Variants in SPOPL observed in about 807,000 individuals in gnomAD.
SPOPL encodes the protein speckle type BTB/POZ protein like.
A neutral mutation model predicts 53.8 loss-of-function variants in SPOPL; 23 were observed. That is an observed-to-expected ratio of 0.43 (90% confidence interval 0.31 to 0.61). SPOPL has a LOEUF of 0.61. SPOPL is among the 20% of genes least tolerant of loss of function. SPOPL has a pLI of 0.12. For synonymous variants in SPOPL, 164 were observed against 149.7 expected, an observed-to-expected ratio of 1.10 and a Z score of -0.70; for missense variants, 442 against 466.9, an observed-to-expected ratio of 0.95 and a Z score of 0.49.
chr2:138,547,909 C>A (rs905970117), intron 1 of SPOPL, among the ~76,000 whole-genome samples: 43 of 151,880 alleles, frequency 2.8e-4, no homozygotes, highest in African/African-American at 9.9e-4. Context: ...AACACTTTTC[C>A]CTGTCATTAA....
chr2:138,519,956 A>G (rs1684521435), intron 1 of SPOPL, among the ~76,000 whole-genome samples: 1 of 152,112 alleles, frequency 6.6e-6, no homozygotes, highest in African/African-American at 2.4e-5. Context: ...TACCCAGGAA[A>G]ATGGTATAGG....
chr2:138,534,412 T>G (rs571105261), intron 1 of SPOPL, among the ~76,000 whole-genome samples: 1 of 152,316 alleles, frequency 6.6e-6, no homozygotes, highest in Admixed American at 6.5e-5. Context: ...AGGATATGTG[T>G]ATATCAAATG....
chr2:138,529,464 T>A lies in SPOPL; in HGVS notation c.-60-20693T>A, dbSNP rs547284846. Among the ~76,000 whole-genome samples the A allele has an allele frequency of 5.9e-5, 9 of 151,454 alleles. No individual in the cohort carries two copies. In the South Asian group the frequency reaches 1.9e-3, roughly 32 times the overall value. On this transcript the variant is annotated intron_variant, in intron 1 of 10. Coordinates refer to ENST00000280098, the MANE Select transcript of SPOPL (RefSeq NM_001001664.3). ...GTTACCTTGGTCATAAATGAACTGT[T>A]TGTGTAGGTATGTGTGTGTGTGTAT...
At position 138,506,232 on chromosome 2, in the gene SPOPL, C is replaced by G. The variant is rs545533829; in HGVS notation, c.-61+4113C>G. Among the ~76,000 whole-genome samples the G allele has an allele frequency of 3.7e-4, 56 of 152,248 alleles. 1 individual carries two copies. The South Asian group carries it at 0.012, about 32-fold the overall frequency. ...CTCAAACTTGTCTGTGTTGAAGGAC[C>G]AATTTTGTTTTAATTTTCTATTCAT... is the stretch of plus-strand genomic sequence containing the variant. On this transcript the variant is annotated intron_variant, in intron 1 of 10. Transcript: ENST00000280098.
chr2:138,523,187 C>T (rs1039969715), intron 1 of SPOPL, among the ~76,000 whole-genome samples: 4 of 152,138 alleles, frequency 2.6e-5, no homozygotes, highest in African/African-American at 9.7e-5. Flanking sequence ...GCCTCACAAT[C>T]GTGGCAGAAG....
At chr2:138,532,593 A>ATT (rs71301784) in intron 1 of SPOPL, among the ~76,000 whole-genome samples, 11,578 of 111,700 alleles carry the variant, frequency 0.1, 719 homozygotes, top group African/African-American at 0.16. Context: ...CGCCCGGCTA[A>ATT]TTTTTTTTTT....
chr2:138,561,356 CAATATT>C (rs1685544649), intron 8 of SPOPL, among the ~76,000 whole-genome samples: 1 of 151,892 alleles, frequency 6.6e-6, no homozygotes, highest in African/African-American at 2.4e-5. Flanking sequence ...AGAGCAAAAA[CAATATT>C]AATAATTTTA....
chr2:138,503,614 C>A (rs1684152550), intron 1 of SPOPL, among the ~76,000 whole-genome samples: 1 of 152,128 alleles, frequency 6.6e-6, no homozygotes, highest in Non-Finnish European at 1.5e-5. Context: ...AGGGTTTTAG[C>A]CCACCATTTT....
rs1685775576 is a variant in SPOPL, at chr2:138,571,289, T to C, written c.*2209T>C. The C allele has an allele frequency of 6.6e-6, 1 of 152,568 alleles. No individual in the cohort carries two copies. The highest frequency in any genetic ancestry group is 1.5e-5 in the Non-Finnish European group (1 of 68,010). The allele number at this position is 152,568 out of a possible 1,614,324, so 9.5% of individuals were successfully genotyped here. A position where few individuals can be genotyped will look rare whatever the true frequency, so the allele number is the denominator to read the frequency against. ...ATTTAATTCACCGCTTGAATCTATA[T>C]TTCTAACCACAGTGACTTCAGTAAA... is the stretch of plus-strand genomic sequence containing the variant. On this transcript the variant is annotated 3_prime_UTR_variant, in exon 11 of 11. Transcript: ENST00000280098.
intron 1 of SPOPL, among the ~76,000 whole-genome samples, chr2:138,528,545 G>A (rs1684728025): frequency 6.6e-6 from 1 of 152,132 alleles, no homozygotes; most frequent in African/African-American, 2.4e-5. Flanking sequence ...GGAAATAAAA[G>A]AGATTGATAA....
intron 5 of SPOPL, among the ~76,000 whole-genome samples, chr2:138,558,184 A>T (rs948578464): frequency 1.3e-5 from 2 of 152,064 alleles, no homozygotes; most frequent in South Asian, 2.1e-4. Context: ...AAATAAATAA[A>T]TTTTTTTAAA....
intron 1 of SPOPL, among the ~76,000 whole-genome samples, chr2:138,526,114 G>A (rs1017119221): frequency 4.6e-5 from 7 of 151,984 alleles, no homozygotes; most frequent in African/African-American, 1.7e-4. Context: ...ATTTTGTTCT[G>A]ACTATAACTT....
At position 138,560,787 on chromosome 2, in the gene SPOPL, G is replaced by A. The variant is rs767028198; in HGVS notation, c.715-18G>A. 1 of 1,539,162 alleles carries A rather than the reference G, an allele frequency of 6.5e-7. No homozygotes were observed. Among genetic ancestry groups the A allele is most frequent in the Non-Finnish European group, 8.7e-7 (1 of 1,151,416 alleles). ...CTTTTTTTTTTTTTAACATTTTTGT[G>A]TTGTTTTTCGATATCAGAATCGAGT... On this transcript the variant is annotated intron_variant, in intron 7 of 10. Transcript: ENST00000280098.
chr2:138,560,830 A>G lies in SPOPL; in HGVS notation c.740A>G (p.Asp247Gly). The change falls in exon 8 of 11, where the codon GAC becomes GGC. Residue 247 changes from aspartate (D) to glycine (G), a missense_variant. Transcript: ENST00000280098. The stretch of plus-strand genomic sequence containing the variant: ...AATCGAGTGGAAATAAATGATTTAG[A>G]CCCTGAAGTTTTTAAAGAAATGATG... Reference protein sequence around the residue: ...KKNRVEINDLDPEVFKEMMRF... With the variant: ...KKNRVEINDLGPEVFKEMMRF... 6.2e-7 allele frequency: 1 copy of G among 1,606,200 alleles called. No homozygotes were observed.
At chr2:138,532,593 A>ATTTTTTTTTTT (rs71301784) in intron 1 of SPOPL, among the ~76,000 whole-genome samples, 512 of 111,798 alleles carry the variant, frequency 4.6e-3, no homozygotes, top group African/African-American at 6.8e-3. Context: ...CGCCCGGCTA[A>ATTTTTTTTTTT]TTTTTTTTTT....
At chr2:138,559,855 A>G (rs945059565) in intron 7 of SPOPL, among the ~76,000 whole-genome samples, 4 of 152,170 alleles carry the variant, frequency 2.6e-5, no homozygotes, top group Admixed American at 6.5e-5. Context: ...TGCTGTTTGC[A>G]TAACTTGTGA....
At chr2:138,521,915 A>G (rs970265437) in intron 1 of SPOPL, among the ~76,000 whole-genome samples, 2 of 152,102 alleles carry the variant, frequency 1.3e-5, no homozygotes, top group Non-Finnish European at 2.9e-5. Flanking sequence ...ACAAATGAAC[A>G]CCTGGGGGAA....
Position 138,509,981 on chromosome 2 carries a change from G to A in SPOPL, c.-61+7862G>A, listed in dbSNP as rs114916616. On this transcript the variant is annotated intron_variant, in intron 1 of 10. Coordinates refer to ENST00000280098, the MANE Select transcript of SPOPL (RefSeq NM_001001664.3). ...TGTTTTGCCATTTCCAAAGTGTGTA[G>A]CCTTTTCAGATTAGTTTCTTTCACT... Among the ~76,000 whole-genome samples, 1,171 of 152,244 alleles carry A rather than the reference G, an allele frequency of 7.7e-3. 14 individuals are homozygous for A. Among genetic ancestry groups the A allele is most frequent in the African/African-American group, 0.019 (793 of 41,550 alleles).
intron 5 of SPOPL, among the ~76,000 whole-genome samples, chr2:138,555,579 G>C (rs1459878164): frequency 6.6e-6 from 1 of 152,098 alleles, no homozygotes; most frequent in Non-Finnish European, 1.5e-5. Context: ...CCGGTGTGGT[G>C]GGTGTTTGGC....
Sources: allele counts gnomAD v4.1 joint callset (sites outside exome capture counted in the v4.1 genomes callset), GRCh38; gene constraint gnomAD v4.1.1; transcripts MANE v1.5; gene names NCBI Gene and HGNC (gene_info 2026-07-23, HGNC 2026-07-21).